Variants in RNF125 observed in about 807,000 individuals in gnomAD.
The protein encoded by RNF125 is E3 ubiquitin-protein ligase RNF125.
RNF125 carries 21 observed loss-of-function variants against 26.0 expected under a neutral mutation model. The observed-to-expected ratio is 0.81, with a 90% CI of 0.57 to 1.16. The LOEUF is 1.16. RNF125 is among the 50% of genes most tolerant of loss of function. RNF125 has a pLI of 0.00. For synonymous variants in RNF125, 95 were observed against 109.2 expected (o/e 0.87, Z 0.81); for missense variants, 270 against 299.4 (o/e 0.90, Z 0.72).
At position 32,036,015 on chromosome 18, in the gene RNF125, G is replaced by A. The variant is rs149368375; in HGVS notation, c.165-1101G>A. 3.3e-3 allele frequency among the ~76,000 whole-genome samples: 506 copies of A among 152,074 alleles called. 1 individual carries two copies. The highest frequency in any genetic ancestry group is 0.011 in the African/African-American group (456 of 41,482). ...TAAAAACACAAAAAATTGGCCAGGC[G>A]TGGTGGTGGGTGCCAGTAATCCCAG... On this transcript the variant is annotated intron_variant, in intron 1 of 5. Coordinates refer to ENST00000217740, the MANE Select transcript of RNF125 (RefSeq NM_017831.4).
intron 4 of RNF125, among the ~76,000 whole-genome samples, chr18:32,061,964 G>A (rs184684088): frequency 1.3e-5 from 2 of 152,234 alleles, no homozygotes; most frequent in African/African-American, 4.8e-5. Flanking sequence ...AAGAATGTAG[G>A]GATCAACTAG....
At chr18:32,044,440 G>A (rs57162885) in intron 3 of RNF125, among the ~76,000 whole-genome samples, 11 of 151,986 alleles carry the variant, frequency 7.2e-5, no homozygotes, top group Admixed American at 3.9e-4. Flanking sequence ...TCATCTGAAC[G>A]TGTAATCAGT....
At chr18:32,079,244 A>G in the RNF125 span, among the ~76,000 whole-genome samples, 14 of 152,134 alleles carry the variant, frequency 9.2e-5, no homozygotes, top group Non-Finnish European at 1.8e-4. Context: ...AGAGAGAGAG[A>G]AGATCTCTGG....
intron 4 of RNF125, among the ~76,000 whole-genome samples, chr18:32,056,703 A>G (rs189209): frequency 0.35 from 50,941 of 146,910 alleles, 9,466 homozygotes; most frequent in South Asian, 0.43. Context: ...TCCATCTCAA[A>G]AAAAATTTAA....
intron 4 of RNF125, among the ~76,000 whole-genome samples, chr18:32,052,230 C>T (rs576664367): frequency 1.3e-5 from 2 of 151,690 alleles, no homozygotes; most frequent in South Asian, 2.1e-4. Flanking sequence ...TGTGGTGGCT[C>T]GTGCCTGTAA....
intron 1 of RNF125, chr18:32,031,485 GGAA>G (rs1258093808): frequency 6.3e-4 from 14 of 22,210 alleles, no homozygotes; most frequent in African/African-American, 5.4e-4. Flanking sequence ...TCAAATTGTG[GGAA>G]AAAAAAAAAA....
At chr18:32,054,063 T>A (rs1380934122) in intron 4 of RNF125, among the ~76,000 whole-genome samples, 2 of 151,090 alleles carry the variant, frequency 1.3e-5, no homozygotes, top group South Asian at 2.1e-4. Flanking sequence ...GCTCATATGA[T>A]CATGCCTGTG....
intron 5 of RNF125, among the ~76,000 whole-genome samples, chr18:32,067,168 G>T (rs2039492423): frequency 6.6e-6 from 1 of 152,206 alleles, no homozygotes; most frequent in African/African-American, 2.4e-5. Context: ...CAGGAGAATG[G>T]TGTGAACTCG....
chr18:32,020,012 G>C (rs1384454791), intron 1 of RNF125, among the ~76,000 whole-genome samples: 11 of 32,270 alleles, frequency 3.4e-4, no homozygotes, highest in South Asian at 1.7e-3. Flanking sequence ...CTGTGTGTGT[G>C]TGTGTGTGTG....
intron 2 of RNF125, among the ~76,000 whole-genome samples, chr18:32,041,614 T>G (rs2039217435): frequency 1.6e-5 from 2 of 122,876 alleles, no homozygotes; most frequent in African/African-American, 3.2e-5. Flanking sequence ...TTAAAAAATG[T>G]AGATGCTTTT....
At chr18:32,063,992 A>C (rs1278849645) in intron 4 of RNF125, among the ~76,000 whole-genome samples, 3 of 150,010 alleles carry the variant, frequency 2.0e-5, no homozygotes, top group Non-Finnish European at 4.4e-5. Context: ...TAATCCATCA[A>C]GTCCTTTTTT....
chr18:32,074,740 A>G (rs994090533), downstream of RNF125, among the ~76,000 whole-genome samples: 16 of 152,022 alleles, frequency 1.1e-4, no homozygotes, highest in African/African-American at 3.9e-4. Flanking sequence ...ACGGAGTTTC[A>G]CCATATTGGT....
intron 1 of RNF125, among the ~76,000 whole-genome samples, chr18:32,027,617 G>A (rs2039049487): frequency 6.6e-6 from 1 of 152,014 alleles, no homozygotes; most frequent in South Asian, 2.1e-4. Context: ...AAAAAAATGA[G>A]TTTACCTTTC....
intron 1 of RNF125, among the ~76,000 whole-genome samples, chr18:32,024,488 A>G (rs1356852509): frequency 6.6e-6 from 1 of 151,630 alleles, no homozygotes; most frequent in Non-Finnish European, 1.5e-5. Context: ...TCTAAGAACA[A>G]ACTACTCAGT....
chr18:32,050,175 A>G lies in RNF125; in HGVS notation c.504+4443A>G, dbSNP rs376039867. 3.9e-5 allele frequency among the ~76,000 whole-genome samples: 6 copies of G among 152,192 alleles called. No individual in the cohort carries two copies. In the East Asian group the frequency reaches 7.7e-4, roughly 20 times the overall value. On this transcript the variant is annotated intron_variant, in intron 4 of 5. Coordinates refer to ENST00000217740, the MANE Select transcript of RNF125 (RefSeq NM_017831.4). ...AATTAGATAACTCAGAGATCAAACC[A>G]CAAGATAACCATCTTTTCTTTCTGA...
intron 1 of RNF125, among the ~76,000 whole-genome samples, chr18:32,027,180 C>A (rs1182827114): frequency 6.6e-6 from 1 of 150,924 alleles, no homozygotes; most frequent in African/African-American, 2.4e-5. Context: ...ATCCAGGCTG[C>A]AGTGGTGAAA....
chr18:32,062,888 T>C (rs899203983), intron 4 of RNF125, among the ~76,000 whole-genome samples: 4 of 152,104 alleles, frequency 2.6e-5, no homozygotes, highest in African/African-American at 9.7e-5. Context: ...AACACATACT[T>C]GGCACTCAGT....
chr18:32,066,783 T>C (rs1171497385), intron 5 of RNF125, among the ~76,000 whole-genome samples: 1 of 152,268 alleles, frequency 6.6e-6, no homozygotes. Flanking sequence ...GTTAGGCAAA[T>C]TGGAGATGGG....
rs1427554408 is a variant in RNF125 at position 32,069,376 on chromosome 18, G to A, written c.*992G>A. ...ATTTAGAAATATTTCTATAATATAA[G>A]CAATTTCTTAAAAACCATCAGATGA... On this transcript the variant is annotated 3_prime_UTR_variant, in exon 6 of 6. Coordinates refer to ENST00000217740, the MANE Select transcript of RNF125 (RefSeq NM_017831.4). The A allele has an allele frequency of 2.0e-5, 3 of 151,816 alleles. No homozygotes were observed. Among genetic ancestry groups the A allele is most frequent in the Non-Finnish European group, 4.4e-5 (3 of 67,976 alleles). The allele number at this position is 151,816 out of a possible 1,614,324, so 9.4% of individuals were successfully genotyped here. A position where few individuals can be genotyped will look rare whatever the true frequency, so the allele number is the denominator to read the frequency against.
Sources: allele counts gnomAD v4.1 joint callset (sites outside exome capture counted in the v4.1 genomes callset), GRCh38; gene constraint gnomAD v4.1.1; transcripts MANE v1.5; gene names NCBI Gene and HGNC (gene_info 2026-07-23, HGNC 2026-07-21).